PDE1A: variants seen among roughly 807,000 people sequenced by gnomAD.
The protein encoded by PDE1A is dual specificity calcium/calmodulin-dependent 3',5'-cyclic nucleotide phosphodiesterase 1A.
PDE1A carries 35 observed loss-of-function variants against 61.7 expected under a neutral mutation model. The observed-to-expected ratio is 0.57, with a 90% CI of 0.43 to 0.75. The LOEUF (loss-of-function observed/expected upper bound fraction) is 0.75, where lower values mean the gene tolerates loss of function less well. Among genes scored for constraint, PDE1A ranks in the 30% least tolerant of loss-of-function variants. PDE1A has a pLI of 0.00. For missense variants in PDE1A, 597 were observed against 630.6 expected (o/e 0.95, Z 0.57); for synonymous variants, 232 against 213.2 (o/e 1.09, Z -0.77).
chr2:182,417,329 T>C (rs545359601), intron 1 of PDE1A, among the ~76,000 whole-genome samples: 2 of 152,352 alleles, frequency 1.3e-5, no homozygotes, highest in Admixed American at 1.3e-4. Context: ...TTATGTGTGC[T>C]TCTCTTTAGG....
intron 2 of PDE1A, among the ~76,000 whole-genome samples, chr2:182,242,849 G>A (rs2568670): frequency 0.71 from 106,752 of 149,812 alleles, 38,509 homozygotes; most frequent in African/African-American, 0.83. Flanking sequence ...CTTAAAATAC[G>A]TATCTCGCTC....
At chr2:182,260,362 C>T (rs1284011031) in intron 2 of PDE1A, among the ~76,000 whole-genome samples, 2 of 152,120 alleles carry the variant, frequency 1.3e-5, no homozygotes, top group Non-Finnish European at 2.9e-5. Context: ...GACCTGACTC[C>T]TTTTACATAA....
At chr2:182,527,863 G>C (rs1559543596), upstream of PDE1A, among the ~76,000 whole-genome samples, 1 of 151,992 alleles carries the variant, frequency 6.6e-6, no homozygotes, top group Non-Finnish European at 1.5e-5. Flanking sequence ...TAAGCCTTTT[G>C]CTTGGCTCTC....
At chr2:182,631,514 C>T in the PDE1A span, among the ~76,000 whole-genome samples, 1 of 152,164 alleles carries the variant, frequency 6.6e-6, no homozygotes, top group South Asian at 2.1e-4. Flanking sequence ...AAATGCTAAT[C>T]TCTTCAGGAA....
At chr2:182,300,218 CAGATAA>C (rs1257183418) in intron 1 of PDE1A, among the ~76,000 whole-genome samples, 2 of 152,154 alleles carry the variant, frequency 1.3e-5, no homozygotes, top group Non-Finnish European at 2.9e-5. Context: ...GGATGTTAAA[CAGATAA>C]AGCCTAATAT....
At chr2:182,210,639 T>C (rs562050230) in intron 7 of PDE1A, among the ~76,000 whole-genome samples, 12 of 152,200 alleles carry the variant, frequency 7.9e-5, no homozygotes, top group Non-Finnish European at 1.5e-4. Flanking sequence ...TGGTAGAGCA[T>C]AAATTTTTAA....
chr2:182,209,049 A>G (rs1208238564), intron 7 of PDE1A, among the ~76,000 whole-genome samples: 1 of 152,086 alleles, frequency 6.6e-6, no homozygotes, highest in Non-Finnish European at 1.5e-5. Flanking sequence ...GAAATATGAG[A>G]AGGACATGTG....
intron 13 of PDE1A, among the ~76,000 whole-genome samples, chr2:182,155,920 G>A (rs1346373945): frequency 6.6e-6 from 1 of 152,040 alleles, no homozygotes; most frequent in Admixed American, 6.6e-5. Flanking sequence ...CACAGCTCAA[G>A]GGCGGGGCCA....
chr2:182,559,954 T>A, the PDE1A span, among the ~76,000 whole-genome samples: 2 of 151,822 alleles, frequency 1.3e-5, no homozygotes, highest in Non-Finnish European at 2.9e-5. Flanking sequence ...AGGGTTACCC[T>A]CAGTATGGGT....
the PDE1A span, among the ~76,000 whole-genome samples, chr2:182,632,473 TGTAA>T: frequency 2.0e-5 from 3 of 152,046 alleles, no homozygotes; most frequent in Admixed American, 1.3e-4. Flanking sequence ...TTTTTTTCTT[TGTAA>T]GTATGTCTCC....
intron 2 of PDE1A, among the ~76,000 whole-genome samples, chr2:182,464,231 A>G (rs1348069127): frequency 1.3e-5 from 2 of 152,128 alleles, no homozygotes; most frequent in Non-Finnish European, 2.9e-5. Flanking sequence ...TTATTCAATG[A>G]CACGTGTTAA....
chr2:182,309,383 T>G (rs1695812487), intron 1 of PDE1A, among the ~76,000 whole-genome samples: 1 of 152,048 alleles, frequency 6.6e-6, no homozygotes, highest in African/African-American at 2.4e-5. Context: ...AAAATATACT[T>G]TATTGCACTT....
At chr2:182,663,894 A>T in the PDE1A span, among the ~76,000 whole-genome samples, 1 of 152,190 alleles carries the variant, frequency 6.6e-6, no homozygotes, top group Admixed American at 6.5e-5. Context: ...ACTTATAAAA[A>T]TTTAAAATTT....
At chr2:182,589,184 G>A in the PDE1A span, among the ~76,000 whole-genome samples, 1 of 144,624 alleles carries the variant, frequency 6.9e-6, no homozygotes, top group African/African-American at 2.6e-5. Flanking sequence ...AGCAGAGGAA[G>A]AAGGGAAGAA....
At chr2:182,384,088 C>G (rs958666692) in intron 1 of PDE1A, among the ~76,000 whole-genome samples, 1 of 152,230 alleles carries the variant, frequency 6.6e-6, no homozygotes, top group African/African-American at 2.4e-5. Context: ...CAGCTCCATG[C>G]TCCAGACAAT....
At chr2:182,449,416 C>T (rs900728149) in intron 2 of PDE1A, among the ~76,000 whole-genome samples, 1 of 151,748 alleles carries the variant, frequency 6.6e-6, no homozygotes. Context: ...TGGAAAAATT[C>T]ATTCTGTATC....
chr2:182,453,313 A>C (rs1036607344), intron 2 of PDE1A, among the ~76,000 whole-genome samples: 2 of 151,980 alleles, frequency 1.3e-5, no homozygotes, highest in African/African-American at 2.4e-5. Context: ...ATACCACTTG[A>C]TGCAGGCCAT....
the PDE1A span, among the ~76,000 whole-genome samples, chr2:182,636,206 C>T: frequency 6.6e-6 from 1 of 152,042 alleles, no homozygotes; most frequent in African/African-American, 2.4e-5. Flanking sequence ...GATCTACCCG[C>T]CTCAGCCTCC....
At chr2:182,580,001 G>C in the PDE1A span, among the ~76,000 whole-genome samples, 1 of 152,168 alleles carries the variant, frequency 6.6e-6, no homozygotes, top group Non-Finnish European at 1.5e-5. Flanking sequence ...CACAGACCCT[G>C]TTTCCATTTC....
Sources: allele counts gnomAD v4.1 joint callset (sites outside exome capture counted in the v4.1 genomes callset), GRCh38; gene constraint gnomAD v4.1.1; transcripts MANE v1.5; gene names NCBI Gene and HGNC (gene_info 2026-07-23, HGNC 2026-07-21).